CTNNA2: variants seen among roughly 807,000 people sequenced by gnomAD.
CTNNA2 encodes catenin alpha-2.
Under a neutral mutation model 101.0 loss-of-function variants are expected in CTNNA2, and 42 were observed. The ratio of observed to expected loss-of-function variants is 0.42; its 90% CI spans 0.32 to 0.54. The LOEUF is 0.54. Ranked by LOEUF, CTNNA2 falls within the 20% of genes least tolerant of loss-of-function variation. The pLI, the probability that CTNNA2 is intolerant of heterozygous loss-of-function variation, is 0.14. For missense variants in CTNNA2, 871 were observed against 1,223.1 expected, an observed-to-expected ratio of 0.71 and a Z score of 4.29; for synonymous variants, 450 against 456.4, an observed-to-expected ratio of 0.99 and a Z score of 0.18.
At chr2:79,190,981 C>T (rs758056667) in intron 1 of CTNNA2, among the ~76,000 whole-genome samples, 5 of 152,138 alleles carry the variant, frequency 3.3e-5, no homozygotes, top group African/African-American at 7.2e-5. Flanking sequence ...TCTCGCTCTC[C>T]GCAGACTGGC....
rs143701965 is a variant in CTNNA2 at position 79,490,663 on chromosome 2, A to C, written c.-134-14391A>C. 1.8e-3 allele frequency among the ~76,000 whole-genome samples: 268 copies of C among 152,328 alleles called. 1 individual carries two copies. The highest frequency in any genetic ancestry group is 6.2e-3 in the African/African-American group (259 of 41,580). ...AAAAGAACACAATGAATGGTTATTG[A>C]AATGTGTGAGAGGCAAAGACTTAGA... On this transcript the variant is annotated intron_variant, in intron 4 of 21. Transcript: ENST00000466387.
chr2:80,048,612 T>C (rs1329774574), intron 7 of CTNNA2, among the ~76,000 whole-genome samples: 2 of 152,176 alleles, frequency 1.3e-5, no homozygotes, highest in Admixed American at 6.5e-5. Flanking sequence ...AGAACTGAAA[T>C]TGTGAAGGCA....
intron 7 of CTNNA2, among the ~76,000 whole-genome samples, chr2:80,039,622 C>T (rs917211513): frequency 6.6e-6 from 1 of 152,176 alleles, no homozygotes; most frequent in Admixed American, 6.5e-5. Flanking sequence ...AGATATTGGT[C>T]CTAAACGCTG....
At chr2:80,606,392 A>C (rs934466955) in intron 16 of CTNNA2, among the ~76,000 whole-genome samples, 4 of 118,270 alleles carry the variant, frequency 3.4e-5, no homozygotes, top group African/African-American at 1.4e-4. Context: ...ACACACACAC[A>C]CACACACACA....
At chr2:79,989,482 A>C (rs192687407) in intron 7 of CTNNA2, among the ~76,000 whole-genome samples, 10 of 152,054 alleles carry the variant, frequency 6.6e-5, no homozygotes, top group Admixed American at 1.3e-4. Flanking sequence ...AACAAACAAA[A>C]AAATTATCTG....
chr2:79,687,068 C>A (rs1486047397), intron 2 of CTNNA2, among the ~76,000 whole-genome samples: 1 of 152,064 alleles, frequency 6.6e-6, no homozygotes, highest in Non-Finnish European at 1.5e-5. Flanking sequence ...CACTGTAATT[C>A]AGACTAGAAA....
chr2:79,673,312 G>A (rs1024306918), intron 2 of CTNNA2, among the ~76,000 whole-genome samples: 1 of 151,864 alleles, frequency 6.6e-6, no homozygotes, highest in African/African-American at 2.4e-5. Flanking sequence ...TCTGGGGGGC[G>A]GGGGTGAAAA....
rs577292537 is a variant in CTNNA2, at chr2:80,329,763, G to A, written c.1057-63448G>A. Among the ~76,000 whole-genome samples, 5 of 152,254 alleles carry A rather than the reference G, an allele frequency of 3.3e-5. No homozygotes were observed. In the South Asian group the frequency reaches 6.2e-4, roughly 19 times the overall value. On this transcript the variant is annotated intron_variant, in intron 7 of 18. Coordinates refer to ENST00000402739, the MANE Select transcript of CTNNA2 (RefSeq NM_001282597.3). The stretch of plus-strand genomic sequence containing the variant: ...GAGGTAAAAGGGCATGTTTGTGTGC[G>A]GCAGGAAAGTGACTGTCCATAGGGG...
At chr2:79,784,276 T>C (rs1412836149) in intron 3 of CTNNA2, among the ~76,000 whole-genome samples, 1 of 152,050 alleles carries the variant, frequency 6.6e-6, no homozygotes, top group Non-Finnish European at 1.5e-5. Flanking sequence ...CAAATGCCTC[T>C]AAGTTAAGCT....
chr2:80,620,744 A>C (rs1381160492), intron 18 of CTNNA2, among the ~76,000 whole-genome samples: 1 of 151,944 alleles, frequency 6.6e-6, no homozygotes, highest in Non-Finnish European at 1.5e-5. Context: ...GAAAAATCTG[A>C]TGTCTAATCA....
intron 2 of CTNNA2, among the ~76,000 whole-genome samples, chr2:79,235,867 A>G (rs944557564): frequency 6.6e-6 from 1 of 152,166 alleles, no homozygotes; most frequent in Admixed American, 6.5e-5. Flanking sequence ...CCTGGCTATC[A>G]GTGACAGGGA....
chr2:79,829,414 C>CACACAG (rs1193420009), intron 3 of CTNNA2, among the ~76,000 whole-genome samples: 117 of 120,822 alleles, frequency 9.7e-4, no homozygotes, highest in East Asian at 8.8e-3. Context: ...CACACACACA[C>CACACAG]AGACACAAAG....
chr2:80,203,804 G>T (rs998472394), intron 7 of CTNNA2, among the ~76,000 whole-genome samples: 2 of 152,144 alleles, frequency 1.3e-5, no homozygotes, highest in African/African-American at 2.4e-5. Context: ...TTTCCCTTCC[G>T]CACTGCCTTA....
chr2:79,794,692 A>G (rs1675559515), intron 3 of CTNNA2, among the ~76,000 whole-genome samples: 1 of 152,206 alleles, frequency 6.6e-6, no homozygotes, highest in Non-Finnish European at 1.5e-5. Flanking sequence ...ATCTTGAATA[A>G]CTGAAACGTA....
At chr2:80,315,312 CACTT>C (rs1000524496) in intron 7 of CTNNA2, among the ~76,000 whole-genome samples, 8 of 152,168 alleles carry the variant, frequency 5.3e-5, no homozygotes, top group Non-Finnish European at 7.3e-5. Flanking sequence ...AAACAACAAT[CACTT>C]TATTTAGTTT....
chr2:79,532,559 C>G (rs1487923844), intron 1 of CTNNA2, among the ~76,000 whole-genome samples: 1 of 152,150 alleles, frequency 6.6e-6, no homozygotes, highest in Non-Finnish European at 1.5e-5. Flanking sequence ...CTTTCACCAT[C>G]ATTGGCTATT....
chr2:79,799,189 T>TC (rs992927518), intron 3 of CTNNA2, among the ~76,000 whole-genome samples: 2 of 152,050 alleles, frequency 1.3e-5, no homozygotes, highest in Non-Finnish European at 2.9e-5. Context: ...TTGTTTTTTT[T>TC]TTTTTAATCT....
intron 7 of CTNNA2, chr2:80,029,382 G>A (rs1558742355): frequency 6.6e-6 from 1 of 152,190 alleles, no homozygotes; most frequent in African/African-American, 2.4e-5. Flanking sequence ...AACTTGAACT[G>A]TATGTTTTCA....
chr2:79,431,249 C>G (rs377278731), intron 4 of CTNNA2, among the ~76,000 whole-genome samples: 1 of 152,034 alleles, frequency 6.6e-6, no homozygotes, highest in Admixed American at 6.6e-5. Flanking sequence ...TTTTAGAGAC[C>G]GGTAATGTTA....
Sources: allele counts gnomAD v4.1 joint callset (sites outside exome capture counted in the v4.1 genomes callset), GRCh38; gene constraint gnomAD v4.1.1; transcripts MANE v1.5; gene names NCBI Gene and HGNC (gene_info 2026-07-23, HGNC 2026-07-21).